Variants in SLC14A2 observed in about 807,000 individuals in gnomAD.
SLC14A2 encodes the protein urea transporter 2.
Under a neutral mutation model 104.6 loss-of-function variants are expected in SLC14A2, and 91 were observed. The ratio of observed to expected loss-of-function variants is 0.87; its 90% CI spans 0.73 to 1.04. The LOEUF (loss-of-function observed/expected upper bound fraction) is 1.04, where lower values mean the gene tolerates loss of function less well. Among genes scored for constraint, SLC14A2 ranks in the 50% least tolerant of loss-of-function variants. The probability of loss-of-function intolerance (pLI) is 0.00; values close to 1 mark genes in which losing one functional copy is unlikely to be tolerated. For synonymous variants in SLC14A2, 476 were observed against 466.4 expected (o/e 1.02, Z -0.27); for missense variants, 1,189 against 1,156.0 (o/e 1.03, Z -0.41).
At chr18:45,311,255 CA>C (rs778243915) in intron 1 of SLC14A2, among the ~76,000 whole-genome samples, 7 of 152,322 alleles carry the variant, frequency 4.6e-5, no homozygotes, top group Non-Finnish European at 1.0e-4. Context: ...TGCTGAGCGA[CA>C]TCACTGAAAT....
chr18:45,461,946 G>C (rs1458052004), intron 1 of SLC14A2, among the ~76,000 whole-genome samples: 1 of 152,164 alleles, frequency 6.6e-6, no homozygotes, highest in Non-Finnish European at 1.5e-5. Flanking sequence ...ATTGAAAAGG[G>C]AAGACGTGGT....
chr18:45,426,840 TG>T (rs2086440270), intron 1 of SLC14A2, among the ~76,000 whole-genome samples: 1 of 152,000 alleles, frequency 6.6e-6, no homozygotes, highest in African/African-American at 2.4e-5. Flanking sequence ...GAACCTGCAT[TG>T]GTCATGTGAG....
intron 3 of SLC14A2, 130 bp downstream of exon 3, chr18:45,625,993 ACCTCACCCAGGGC>A: frequency 9.8e-6 from 6 of 609,918 alleles, no homozygotes; most frequent in Non-Finnish European, 1.5e-5. Flanking sequence ...CCAGGACTGG[ACCTCACCCAGGGC>A]TGGAGTCCAC....
intron 1 of SLC14A2, among the ~76,000 whole-genome samples, chr18:45,472,980 G>C (rs1416362360): frequency 2.0e-5 from 3 of 152,100 alleles, no homozygotes; most frequent in Non-Finnish European, 4.4e-5. Flanking sequence ...GTAATGCCTA[G>C]GTTTCTTTCT....
chr18:45,269,658 C>A (rs141134589), intron 1 of SLC14A2, among the ~76,000 whole-genome samples: 2 of 152,130 alleles, frequency 1.3e-5, no homozygotes, highest in Non-Finnish European at 2.9e-5. Context: ...CATAATTGCG[C>A]GTACTATGTG....
At chr18:45,270,761 C>G (rs1031906096) in intron 1 of SLC14A2, among the ~76,000 whole-genome samples, 1 of 152,064 alleles carries the variant, frequency 6.6e-6, no homozygotes, top group African/African-American at 2.4e-5. Flanking sequence ...AAGTCCAGAG[C>G]CTGCCAAGAA....
At chr18:45,353,613 C>A (rs1189373069) in intron 1 of SLC14A2, among the ~76,000 whole-genome samples, 1 of 152,172 alleles carries the variant, frequency 6.6e-6, no homozygotes, top group African/African-American at 2.4e-5. Context: ...GACCTGGGAC[C>A]AGATGTGGCT....
rs569191523 is a variant in SLC14A2 at position 45,478,963 on chromosome 18, T to C, written c.-124-4270T>C. 3.3e-5 allele frequency among the ~76,000 whole-genome samples: 5 copies of C among 152,344 alleles called. No individual in the cohort carries two copies. The South Asian group carries it at 1.0e-3, about 32-fold the overall frequency. ...CAGGCAGCCATTCACCTTAGACCAG[T>C]TGACCCCCAAAAGACGGTGTTGGTT... is the stretch of plus-strand genomic sequence containing the variant. On this transcript the variant is annotated intron_variant, in intron 1 of 20. Transcript: ENST00000586448.
At chr18:45,349,450 G>T (rs950663377) in intron 1 of SLC14A2, among the ~76,000 whole-genome samples, 1 of 152,158 alleles carries the variant, frequency 6.6e-6, no homozygotes, top group Non-Finnish European at 1.5e-5. Context: ...CCTGCCCTGT[G>T]TTTTGATTGG....
chr18:45,298,761 T>TGGGAGAGAAGGAAAGAGG (rs2084940290), intron 1 of SLC14A2, among the ~76,000 whole-genome samples: 1 of 152,218 alleles, frequency 6.6e-6, no homozygotes, highest in African/African-American at 2.4e-5. Flanking sequence ...TATGATTCTC[T>TGGGAGAGAAGGAAAGAGG]GGGAGAGAAG....
intron 1 of SLC14A2, among the ~76,000 whole-genome samples, chr18:45,402,816 G>C (rs2086111040): frequency 6.6e-6 from 1 of 152,202 alleles, no homozygotes; most frequent in African/African-American, 2.4e-5. Flanking sequence ...GCTGTAGCAA[G>C]ACTTAATCAT....
At chr18:45,272,000 G>C (rs2144121881) in intron 1 of SLC14A2, among the ~76,000 whole-genome samples, 1 of 152,054 alleles carries the variant, frequency 6.6e-6, no homozygotes, top group African/African-American at 2.4e-5. Context: ...ATCCATACAT[G>C]TATAGTAAAC....
Position 45,340,133 on chromosome 18 carries a change from C to T in SLC14A2, c.-125+126942C>T, listed in dbSNP as rs144084287. 2.8e-3 allele frequency among the ~76,000 whole-genome samples: 433 copies of T among 152,310 alleles called. 3 individuals carry two copies. Among genetic ancestry groups the T allele is most frequent in the African/African-American group, 9.8e-3 (409 of 41,572 alleles). Reference sequence around the variant, plus strand: ...TTTGATTAATTCTCTCACACTTACCCATCTATGGCCAGCATGGAACCCTAC... The same window carrying T: ...TTTGATTAATTCTCTCACACTTACCTATCTATGGCCAGCATGGAACCCTAC... On this transcript the variant is annotated intron_variant, in intron 1 of 20. Coordinates refer to the SLC14A2 transcript ENST00000586448.
intron 1 of SLC14A2, among the ~76,000 whole-genome samples, chr18:45,451,369 A>G (rs964056866): frequency 2.6e-5 from 4 of 152,206 alleles, no homozygotes; most frequent in African/African-American, 7.2e-5. Context: ...ATCAGAAAGC[A>G]ATTCAACAAT....
At chr18:45,217,590 C>T (rs1326868118) in intron 1 of SLC14A2, among the ~76,000 whole-genome samples, 9 of 152,150 alleles carry the variant, frequency 5.9e-5, no homozygotes, top group Admixed American at 5.9e-4. Flanking sequence ...CCCTAGAGAT[C>T]TGTATTTATA....
upstream of SLC14A2, among the ~76,000 whole-genome samples, chr18:45,211,232 T>C (rs557171467): frequency 6.6e-6 from 1 of 152,324 alleles, no homozygotes; most frequent in Admixed American, 6.5e-5. Context: ...CCAACATATT[T>C]TCCCAGTGCC....
intron 10 of SLC14A2, 109 bp from the exon 11 acceptor site, chr18:45,663,676 A>G: frequency 1.6e-6 from 2 of 1,249,410 alleles, no homozygotes. Flanking sequence ...TTCAGGCTTC[A>G]CTGCTCTCTC....
chr18:45,223,967 CT>C (rs1380019047), intron 1 of SLC14A2, among the ~76,000 whole-genome samples: 8 of 152,162 alleles, frequency 5.3e-5, no homozygotes, highest in African/African-American at 1.9e-4. Context: ...ATTTGGGCAC[CT>C]TTGATTTTAT....
rs556538794 is a variant in SLC14A2, at chr18:45,574,626, G to A, written c.-34-50005G>A. ...ACCTAGGGCACAAGTACATATGGAA[G>A]CTGACATATACCATATGGGTAAATA... On this transcript the variant is annotated intron_variant, in intron 2 of 20. Coordinates refer to the SLC14A2 transcript ENST00000586448. Among the ~76,000 whole-genome samples the A allele has an allele frequency of 1.4e-4, 21 of 152,318 alleles. No individual in the cohort carries two copies. In the South Asian group the frequency reaches 4.1e-3, roughly 30 times the overall value.
Sources: allele counts gnomAD v4.1 joint callset (sites outside exome capture counted in the v4.1 genomes callset), GRCh38; gene constraint gnomAD v4.1.1; transcripts MANE v1.5; gene names NCBI Gene and HGNC (gene_info 2026-07-23, HGNC 2026-07-21).